The following C6 variants were observed in gnomAD, a reference collection of about 807,000 sequenced individuals.
C6 encodes complement C6.
C6 carries 101 observed loss-of-function variants against 112.9 expected under a neutral mutation model. That is an observed-to-expected ratio of 0.89 (90% CI 0.76 to 1.06). C6 has a LOEUF of 1.06. C6 is among the 50% of genes least tolerant of loss of function. The pLI is 0.00. For synonymous variants in C6, 431 were observed against 384.1 expected (o/e 1.12, Z -1.43); for missense variants, 1,202 against 1,104.6 (o/e 1.09, Z -1.25).
At chr5:41,241,056 C>G (rs189674729) in intron 1 of C6, among the ~76,000 whole-genome samples, 6 of 152,286 alleles carry the variant, frequency 3.9e-5, no homozygotes, top group Non-Finnish European at 8.8e-5. Context: ...GGTGCCAGGC[C>G]AGGTGTGCCT....
At chr5:41,176,402 A>C in intron 8 of C6, 73 bp downstream of exon 8, 2 of 1,459,006 alleles carry the variant, frequency 1.4e-6, no homozygotes, top group Admixed American at 3.4e-5. Flanking sequence ...AATAATTAAA[A>C]TGATAGAGTA....
rs956816204 is a variant in C6, at chr5:41,181,653, A to C, written c.727-94T>G. 4.8e-6 allele frequency: 5 copies of C among 1,039,140 alleles called. No homozygotes were observed. In the Admixed American group the frequency reaches 6.0e-5, roughly 13 times the overall value. 64.4% of individuals were successfully genotyped at this position (1,039,140 alleles called of 1,614,324 possible). A position where few individuals can be genotyped will look rare whatever the true frequency, so the allele number is the denominator to read the frequency against. ...GAAATGATGATTTATTTATTTATGCACTCAGCCAGTATTTATTGAGGACAC... is the reference window on the plus strand; with the variant it reads ...GAAATGATGATTTATTTATTTATGCCCTCAGCCAGTATTTATTGAGGACAC... On this transcript the variant is annotated intron_variant, in intron 6 of 17. Coordinates refer to ENST00000337836, the MANE Select transcript of C6 (RefSeq NM_000065.5).
At chr5:41,218,597 G>T (rs187418690) in intron 1 of C6, among the ~76,000 whole-genome samples, 34 of 151,980 alleles carry the variant, frequency 2.2e-4, no homozygotes, top group African/African-American at 8.0e-4. Context: ...TGTCCAGCCC[G>T]ATCTCACAAA....
intron 9 of C6, among the ~76,000 whole-genome samples, chr5:41,166,027 A>G (rs1443315135): frequency 6.6e-6 from 1 of 152,140 alleles, no homozygotes; most frequent in Non-Finnish European, 1.5e-5. Flanking sequence ...TTTCTTGGCA[A>G]GGTATTTTAG....
At chr5:41,151,676 G>A (rs938747464) in intron 15 of C6, among the ~76,000 whole-genome samples, 1 of 152,112 alleles carries the variant, frequency 6.6e-6, no homozygotes, top group Non-Finnish European at 1.5e-5. Flanking sequence ...TGTGAGGCGA[G>A]GGGACAGATC....
chr5:41,200,868 T>C (rs1211217726), intron 3 of C6, among the ~76,000 whole-genome samples: 1 of 135,752 alleles, frequency 7.4e-6, no homozygotes, highest in East Asian at 2.1e-4. Flanking sequence ...TGAAACCCTG[T>C]TTTTGTTGTT....
At chr5:41,181,758 A>C (rs1749369927) in intron 6 of C6, among the ~76,000 whole-genome samples, 199 bp from the exon 7 acceptor site, 1 of 152,206 alleles carries the variant, frequency 6.6e-6, no homozygotes, top group Non-Finnish European at 1.5e-5. Context: ...GATAATCACC[A>C]ACACTTAATG....
intron 10 of C6, 32 bp downstream of exon 10, chr5:41,161,661 G>C: frequency 6.3e-7 from 1 of 1,589,580 alleles, no homozygotes; most frequent in South Asian, 1.1e-5. Flanking sequence ...AACTACTTTA[G>C]ATCTCTTACC....
intron 17 of C6, among the ~76,000 whole-genome samples, chr5:41,143,578 C>T (rs1032140246): frequency 2.6e-5 from 4 of 152,186 alleles, no homozygotes; most frequent in African/African-American, 9.7e-5. Context: ...TGAACCCTTA[C>T]AGCAAACATA....
chr5:41,211,227 G>C (rs1751897525), intron 1 of C6, among the ~76,000 whole-genome samples: 1 of 152,012 alleles, frequency 6.6e-6, no homozygotes. Flanking sequence ...TCATACACCG[G>C]GGCCTGTAGT....
intron 3 of C6, among the ~76,000 whole-genome samples, chr5:41,200,711 G>A (rs923116305): frequency 1.3e-5 from 2 of 152,066 alleles, no homozygotes; most frequent in African/African-American, 4.8e-5. Flanking sequence ...TGCCCTTACA[G>A]GAATGAGTTT....
chr5:41,250,344 T>C (rs937218908), intron 1 of C6, among the ~76,000 whole-genome samples: 13 of 152,194 alleles, frequency 8.5e-5, no homozygotes, highest in Non-Finnish European at 1.3e-4. Flanking sequence ...ATGAGTTAGA[T>C]GATTTCTAAG....
chr5:41,234,738 T>A (rs1426877305), intron 1 of C6, among the ~76,000 whole-genome samples: 1 of 152,190 alleles, frequency 6.6e-6, no homozygotes, highest in Admixed American at 6.5e-5. Context: ...ATTAGTCATG[T>A]TCACTAGTAA....
chr5:41,172,176 G>A lies in C6; in HGVS notation c.1291+49C>T, dbSNP rs1748474011. On this transcript the variant is annotated intron_variant, in intron 9 of 17. Transcript: ENST00000337836. ...CATCCAATATGGTCTGTAAATGACAGCCAGGCTCAGGGCACACTGGATAAG... is the reference window on the plus strand; with the variant it reads ...CATCCAATATGGTCTGTAAATGACAACCAGGCTCAGGGCACACTGGATAAG... 5 of 1,600,984 alleles carry A rather than the reference G, an allele frequency of 3.1e-6. No homozygotes were observed. In the South Asian group the frequency reaches 5.5e-5, roughly 18 times the overall value.
At chr5:41,234,708 G>C (rs1316231847) in intron 1 of C6, among the ~76,000 whole-genome samples, 5 of 152,060 alleles carry the variant, frequency 3.3e-5, no homozygotes, top group Admixed American at 3.3e-4. Flanking sequence ...GCTGTACTGT[G>C]GTGACTACAA....
upstream of C6, among the ~76,000 whole-genome samples, chr5:41,215,943 T>C (rs4957150): frequency 0.88 from 133,680 of 152,086 alleles, 58,870 homozygotes; most frequent in Admixed American, 0.93. Flanking sequence ...TATAATTTCT[T>C]ATTAGAGCCA....
rs375882207 is a variant in C6 at position 41,176,682 on chromosome 5, T to C, written c.961A>G (p.Lys321Glu). Residue 321 changes from lysine to glutamate, a missense_variant, in exon 8 of 18, where the codon AAA (lysine) becomes GAA (glutamate). Physicochemically the swap from Lys to Glu is moderately conservative, Grantham distance 56 (BLOSUM62 1). Coordinates refer to ENST00000337836, the MANE Select transcript of C6 (RefSeq NM_000065.5). ...GCTTTCGTTGTGAAGTTTAAGACTT[T>C]CATCACTTTATGGATCCTAATAAAA... ...SSFIRIHKVM[K>E]VLNFTTKAKD... 41 of 1,612,466 alleles carry C rather than the reference T, an allele frequency of 2.5e-5. No individual in the cohort carries two copies. The highest frequency in any genetic ancestry group is 3.4e-5 in the Non-Finnish European group (40 of 1,178,946).
At chr5:41,173,478 C>G (rs923808660) in intron 8 of C6, among the ~76,000 whole-genome samples, 2 of 152,210 alleles carry the variant, frequency 1.3e-5, no homozygotes, top group African/African-American at 4.8e-5. Flanking sequence ...CTTCCCCAGG[C>G]ACCTGACTCA....
chr5:41,245,262 G>A (rs888865186), intron 1 of C6, among the ~76,000 whole-genome samples: 1 of 152,110 alleles, frequency 6.6e-6, no homozygotes, highest in Non-Finnish European at 1.5e-5. Flanking sequence ...ATGTGTGGTG[G>A]CTCACGCCTG....
Sources: gnomAD v4.1 joint callset for allele counts (sites outside exome capture counted in the v4.1 genomes callset) on GRCh38, gnomAD v4.1.1 for gene constraint, MANE v1.5 for transcripts, NCBI Gene and HGNC (gene_info 2026-07-23, HGNC 2026-07-21) for gene names.